PAPPA: variants seen among roughly 807,000 people sequenced by gnomAD.
PAPPA encodes pappalysin-1.
PAPPA carries 60 observed loss-of-function variants against 164.0 expected under a neutral mutation model. The observed-to-expected ratio is 0.37, with a 90% CI of 0.30 to 0.45. PAPPA has a LOEUF of 0.45. PAPPA is among the 20% of genes least tolerant of loss of function. PAPPA has a pLI of 1.00. For missense variants in PAPPA, 1,782 were observed against 2,087.3 expected, an observed-to-expected ratio of 0.85 and a Z score of 2.85; for synonymous variants, 875 against 814.1, an observed-to-expected ratio of 1.07 and a Z score of -1.27.
At chr9:116,237,511 T>C (rs1215258600) in intron 7 of PAPPA, among the ~76,000 whole-genome samples, 2 of 152,192 alleles carry the variant, frequency 1.3e-5, no homozygotes, top group East Asian at 3.9e-4. Context: ...CTATGAGAGC[T>C]GCCATGGGTT....
intron 19 of PAPPA, 75 bp from the exon 20 acceptor site, chr9:116,377,501 A>AAATGT: frequency 9.6e-7 from 1 of 1,040,900 alleles, no homozygotes; most frequent in Non-Finnish European, 1.5e-6. Context: ...TGAGGTGGTT[A>AAATGT]AATGTAATGC....
chr9:116,183,335 A>G (rs1843929861), intron 1 of PAPPA, among the ~76,000 whole-genome samples: 1 of 152,184 alleles, frequency 6.6e-6, no homozygotes, highest in African/African-American at 2.4e-5. Flanking sequence ...GAACCATTCT[A>G]TCAGTGAACA....
intron 1 of PAPPA, among the ~76,000 whole-genome samples, chr9:116,177,753 G>A (rs887769140): frequency 2.6e-5 from 4 of 152,142 alleles, no homozygotes; most frequent in Non-Finnish European, 5.9e-5. Flanking sequence ...TTCCAAGACA[G>A]CCCCAACATC....
intron 10 of PAPPA, 85 bp downstream of exon 10, chr9:116,303,035 T>G: frequency 9.1e-7 from 1 of 1,100,174 alleles, no homozygotes; most frequent in Non-Finnish European, 1.3e-6. Flanking sequence ...TCTAAGGCAG[T>G]GTCATTGGCT....
At chr9:116,284,663 C>T (rs1289517313) in intron 9 of PAPPA, among the ~76,000 whole-genome samples, 2 of 149,014 alleles carry the variant, frequency 1.3e-5, no homozygotes, top group African/African-American at 5.0e-5. Flanking sequence ...TCTTTCTTTC[C>T]AGACCTGCTG....
intron 2 of PAPPA, among the ~76,000 whole-genome samples, chr9:116,199,677 T>TA (rs1489263973): frequency 6.6e-6 from 1 of 152,132 alleles, no homozygotes; most frequent in African/African-American, 2.4e-5. Flanking sequence ...CTGATTGTCT[T>TA]AGTTTGCTGT....
chr9:116,163,580 T>C (rs1347849123), intron 1 of PAPPA, among the ~76,000 whole-genome samples: 1 of 152,198 alleles, frequency 6.6e-6, no homozygotes, highest in Admixed American at 6.5e-5. Flanking sequence ...AGACACTTCC[T>C]AGGATTCTAT....
At position 116,396,527 on chromosome 9, in the gene PAPPA, T is replaced by C. The variant is rs1846965580; in HGVS notation, c.4795T>C (p.Ser1599Pro). Residue 1599 changes from serine (S) to proline (P), a missense_variant, in exon 22 of 22, where the codon TCC becomes CCC. Around this residue, in one of 2 missense-constraint regions of PAPPA, gnomAD observed 1,324 missense variants for 1,656.9 expected, o/e 0.80. Coordinates refer to ENST00000328252, the MANE Select transcript of PAPPA (RefSeq NM_002581.5). The part of the protein sequence containing the change: ...KTKKVTPFPM[S>P]CDLQGDCACR... Reference sequence around the variant, plus strand: ...TCTGCAGGTCACCCCATTCCCTATGTCCTGTGATCTACAAGGTGACTGTGC... The same window carrying C: ...TCTGCAGGTCACCCCATTCCCTATGCCCTGTGATCTACAAGGTGACTGTGC... The C allele has an allele frequency of 1.3e-6, 1 of 780,748 alleles. No homozygotes were observed. The highest frequency in any genetic ancestry group is 2.4e-6 in the Non-Finnish European group (1 of 418,010). The allele number at this position is 780,748 out of a possible 1,614,324, so 48.4% of individuals were successfully genotyped here. A position where few individuals can be genotyped will look rare whatever the true frequency, so the allele number is the denominator to read the frequency against.
At chr9:116,252,727 A>T (rs1844874132) in intron 7 of PAPPA, among the ~76,000 whole-genome samples, 1 of 152,214 alleles carries the variant, frequency 6.6e-6, no homozygotes, top group Admixed American at 6.5e-5. Flanking sequence ...TCAAGCCCCA[A>T]CATCTCACCT....
chr9:116,261,759 G>T (rs1277115314), intron 7 of PAPPA, among the ~76,000 whole-genome samples: 1 of 152,076 alleles, frequency 6.6e-6, no homozygotes, highest in Non-Finnish European at 1.5e-5. Context: ...ACTTTCTGAG[G>T]CAGAATACTG....
At chr9:116,365,976 G>A (rs192314939) in intron 18 of PAPPA, among the ~76,000 whole-genome samples, 1 of 151,990 alleles carries the variant, frequency 6.6e-6, no homozygotes, top group Non-Finnish European at 1.5e-5. Flanking sequence ...CGGGTGTCAT[G>A]TACATATGTA....
At chr9:116,220,153 G>T in intron 5 of PAPPA, 24 bp downstream of exon 5, 1 of 1,557,240 alleles carries the variant, frequency 6.4e-7, no homozygotes, top group Non-Finnish European at 8.8e-7. Flanking sequence ...GTGTAGTGTT[G>T]ATCCCTCTCT....
intron 18 of PAPPA, among the ~76,000 whole-genome samples, chr9:116,364,861 C>A (rs1235863957): frequency 6.6e-6 from 1 of 152,126 alleles, no homozygotes. Flanking sequence ...CCTGAATTAA[C>A]TCCTTTCCTG....
chr9:116,346,864 T>C (rs969638739), intron 14 of PAPPA, among the ~76,000 whole-genome samples, 162 bp from the exon 15 acceptor site: 13 of 152,198 alleles, frequency 8.5e-5, no homozygotes, highest in Non-Finnish European at 1.6e-4. Flanking sequence ...ATGTAATTCA[T>C]GGAGTTATTG....
chr9:116,247,346 C>T (rs1338625000), intron 7 of PAPPA, among the ~76,000 whole-genome samples: 2 of 152,150 alleles, frequency 1.3e-5, no homozygotes, highest in Non-Finnish European at 2.9e-5. Context: ...AATTGTGAGG[C>T]TCCCAGAGGT....
In PAPPA at chr9:116,206,329, C is replaced by T. The variant is rs80296112; in HGVS notation, c.1479-1127C>T. The stretch of plus-strand genomic sequence containing the variant: ...AGCTTGGGGCTTTCTGTGACATGGG[C>T]GGCCTTGACACGCTAGATCTCAGAC... On this transcript the variant is annotated intron_variant, in intron 2 of 21. Transcript: ENST00000328252. Among the ~76,000 whole-genome samples, 1,324 of 152,154 alleles carry T rather than the reference C, an allele frequency of 8.7e-3. 18 individuals carry two copies. Among genetic ancestry groups the T allele is most frequent in the African/African-American group, 0.027 (1,118 of 41,512 alleles).
At chr9:116,334,265 G>T (rs1428290809) in intron 12 of PAPPA, among the ~76,000 whole-genome samples, 2 of 149,120 alleles carry the variant, frequency 1.3e-5, no homozygotes, top group Non-Finnish European at 3.0e-5. Flanking sequence ...AAAAAACAGG[G>T]CTCTTGAGTG....
rs760236191 is a variant in PAPPA at position 116,235,294 on chromosome 9, A to G, written c.2389A>G (p.Thr797Ala). 5 of 1,614,068 alleles carry G rather than the reference A, an allele frequency of 3.1e-6. No homozygotes were observed. The highest frequency in any genetic ancestry group is 4.2e-6 in the Non-Finnish European group (5 of 1,180,004). Reference sequence around the variant, plus strand: ...CTACCCCTTGGTCCCTGAGTCTCTGACCATTTGGGTGACCTTTGTCTCCAC... The same window carrying G: ...CTACCCCTTGGTCCCTGAGTCTCTGGCCATTTGGGTGACCTTTGTCTCCAC... ...FLYPLVPESL[T>A]IWVTFVSTDW... Residue 797 changes from threonine (T) to alanine (A), a missense_variant, in exon 7 of 22, where the codon ACC (threonine) becomes GCC (alanine). Around this residue, in one of 2 missense-constraint regions of PAPPA, gnomAD observed 1,324 missense variants for 1,656.9 expected, o/e 0.80. Transcript: ENST00000328252.
At chr9:116,170,831 G>C (rs1843768237) in intron 1 of PAPPA, among the ~76,000 whole-genome samples, 3 of 151,884 alleles carry the variant, frequency 2.0e-5, no homozygotes, top group South Asian at 4.2e-4. Context: ...TAGGACTGGA[G>C]GAAGAGTTAG....
Sources: allele counts gnomAD v4.1 joint callset (sites outside exome capture counted in the v4.1 genomes callset), GRCh38; gene constraint gnomAD v4.1.1; regional missense constraint gnomAD v4.1.1; transcripts MANE v1.5; gene names NCBI Gene and HGNC (gene_info 2026-07-23, HGNC 2026-07-21).